Variants in PKP4 observed in about 807,000 individuals in gnomAD.
PKP4 encodes plakophilin-4.
In PKP4, 90 loss-of-function variants were observed where a neutral mutation model predicts 145.1. That is an observed-to-expected ratio of 0.62 (90% CI 0.52 to 0.74). The LOEUF is 0.74. Among genes scored for constraint, PKP4 ranks in the 30% least tolerant of loss-of-function variants. The pLI is 0.00. For missense variants in PKP4, 1,340 were observed against 1,482.7 expected (o/e 0.90, Z 1.58); for synonymous variants, 563 against 577.2 (o/e 0.98, Z 0.35).
intron 8 of PKP4, among the ~76,000 whole-genome samples, chr2:158,632,824 A>G (rs141098203): frequency 6.6e-6 from 1 of 152,310 alleles, no homozygotes; most frequent in Non-Finnish European, 1.5e-5. Context: ...ACCATTTCTA[A>G]TAGACATTAA....
Position 158,500,630 on chromosome 2 carries a change from C to T in PKP4, c.-5-32550C>T, listed in dbSNP as rs532532058. Among the ~76,000 whole-genome samples, 10 of 152,164 alleles carry T rather than the reference C, an allele frequency of 6.6e-5. 1 individual carries two copies. The highest frequency in any genetic ancestry group is 1.2e-4 in the Non-Finnish European group (8 of 68,042). The stretch of plus-strand genomic sequence containing the variant: ...ATTCAGAGCCCGTGCCTTCCTTCAG[C>T]CACAGAGCGCACAACAGCATGGATG... On this transcript the variant is annotated intron_variant, in intron 1 of 21. Transcript: ENST00000389759.
chr2:158,535,022 C>A (rs1273927075), intron 2 of PKP4, among the ~76,000 whole-genome samples: 1 of 152,028 alleles, frequency 6.6e-6, no homozygotes, highest in Non-Finnish European at 1.5e-5. Flanking sequence ...ATATATTTGC[C>A]GTTTCATACA....
chr2:158,563,507 A>T (rs1375310983), intron 2 of PKP4, among the ~76,000 whole-genome samples: 2 of 152,150 alleles, frequency 1.3e-5, no homozygotes, highest in South Asian at 4.1e-4. Flanking sequence ...ATTCTGTATC[A>T]GCACATTTGG....
At chr2:158,597,675 T>A (rs1421503686) in intron 3 of PKP4, among the ~76,000 whole-genome samples, 1 of 152,248 alleles carries the variant, frequency 6.6e-6, no homozygotes, top group African/African-American at 2.4e-5. Flanking sequence ...TCTAGGATAA[T>A]TTGAGTTATC....
chr2:158,657,093 G>A (rs530048081), intron 11 of PKP4, among the ~76,000 whole-genome samples: 12 of 152,238 alleles, frequency 7.9e-5, no homozygotes, highest in African/African-American at 2.9e-4. Flanking sequence ...GTACAGACTC[G>A]AGCAACTTGC....
At chr2:158,640,844 C>T in intron 10 of PKP4, 85 bp downstream of exon 10, 1 of 1,413,252 alleles carries the variant, frequency 7.1e-7, no homozygotes, top group Non-Finnish European at 9.9e-7. Context: ...AAGAAATTAC[C>T]CAGTGTAATT....
intron 20 of PKP4, 103 bp downstream of exon 20, chr2:158,676,970 C>T: frequency 7.5e-7 from 1 of 1,325,356 alleles, no homozygotes; most frequent in Non-Finnish European, 1.1e-6. Flanking sequence ...TTGAGACAGT[C>T]CCCCAGCAGC....
At chr2:158,522,975 G>T (rs906281026) in intron 1 of PKP4, among the ~76,000 whole-genome samples, 2 of 152,114 alleles carry the variant, frequency 1.3e-5, no homozygotes, top group African/African-American at 4.8e-5. Flanking sequence ...GGCTCGGAGG[G>T]TCCTACGCCC....
intron 1 of PKP4, among the ~76,000 whole-genome samples, chr2:158,480,848 T>C (rs934975831): frequency 6.6e-6 from 1 of 152,066 alleles, no homozygotes; most frequent in Non-Finnish European, 1.5e-5. Context: ...ATAAACCCCA[T>C]ACTCATTAAG....
At chr2:158,591,568 G>A (rs1265033254) in intron 3 of PKP4, among the ~76,000 whole-genome samples, 3 of 151,876 alleles carry the variant, frequency 2.0e-5, no homozygotes, top group African/African-American at 7.2e-5. Flanking sequence ...TTTAAATGTT[G>A]CATAACAGTT....
chr2:158,474,113 A>G (rs1372270628), intron 1 of PKP4, among the ~76,000 whole-genome samples: 1 of 152,206 alleles, frequency 6.6e-6, no homozygotes, highest in African/African-American at 2.4e-5. Flanking sequence ...TACTTCTTTC[A>G]TCCTCATAGT....
intron 2 of PKP4, among the ~76,000 whole-genome samples, chr2:158,550,644 G>T (rs776778784): frequency 2.6e-5 from 4 of 152,150 alleles, no homozygotes; most frequent in Non-Finnish European, 5.9e-5. Context: ...GACTGGTGGG[G>T]CCTGTCTACT....
chr2:158,520,270 G>A (rs929904905), intron 1 of PKP4, among the ~76,000 whole-genome samples: 6 of 152,120 alleles, frequency 3.9e-5, no homozygotes, highest in African/African-American at 9.7e-5. Flanking sequence ...TATGTTAACC[G>A]TGTGTTTTAT....
At chr2:158,594,919 C>G (rs896797885) in intron 3 of PKP4, among the ~76,000 whole-genome samples, 1 of 152,150 alleles carries the variant, frequency 6.6e-6, no homozygotes, top group Non-Finnish European at 1.5e-5. Flanking sequence ...CGTCCTTCAG[C>G]TGGGCAAAGC....
chr2:158,606,853 G>A lies in PKP4; in HGVS notation c.280+3749G>A, dbSNP rs145142998. Reference sequence around the variant, plus strand: ...TCTTAAGAACTTCAGGTTTAATGAAGGTGAGCTATAGTGGAGATGTATAAC... The same window carrying A: ...TCTTAAGAACTTCAGGTTTAATGAAAGTGAGCTATAGTGGAGATGTATAAC... On this transcript the variant is annotated intron_variant, in intron 4 of 21. Transcript: ENST00000389759. Among the ~76,000 whole-genome samples the A allele has an allele frequency of 6.9e-3, 1,051 of 152,264 alleles. 15 individuals carry two copies. The highest frequency in any genetic ancestry group is 0.024 in the African/African-American group (1,001 of 41,542).
chr2:158,529,229 G>C (rs1293685270), intron 1 of PKP4, among the ~76,000 whole-genome samples: 1 of 152,192 alleles, frequency 6.6e-6, no homozygotes, highest in Admixed American at 6.5e-5. Flanking sequence ...TAATAATACA[G>C]GTTAATACAC....
chr2:158,660,660 A>G (rs765429154), intron 12 of PKP4: 2 of 152,518 alleles, frequency 1.3e-5, no homozygotes, highest in East Asian at 3.8e-4. Context: ...GCAAATTGAT[A>G]TAAAAAAATT....
intron 13 of PKP4, 21 bp from the exon 14 acceptor site, chr2:158,662,876 A>G (rs761872401): frequency 6.3e-7 from 1 of 1,576,836 alleles, no homozygotes; most frequent in Non-Finnish European, 8.6e-7. Context: ...GTTTTTAATT[A>G]TACGCCATGC....
At chr2:158,618,844 C>T (rs555006061) in intron 4 of PKP4, among the ~76,000 whole-genome samples, 1 of 152,190 alleles carries the variant, frequency 6.6e-6, no homozygotes, top group African/African-American at 2.4e-5. Flanking sequence ...CCTGACACTA[C>T]ATGCCACCTA....
Sources: allele counts gnomAD v4.1 joint callset (sites outside exome capture counted in the v4.1 genomes callset), GRCh38; gene constraint gnomAD v4.1.1; transcripts MANE v1.5; gene names NCBI Gene and HGNC (gene_info 2026-07-23, HGNC 2026-07-21).